DNAH7: variants seen among roughly 807,000 people sequenced by gnomAD.
DNAH7 encodes axonemal beta dynein heavy chain 7.
In DNAH7, 397 loss-of-function variants were observed where a neutral mutation model predicts 444.6. That is an observed-to-expected ratio of 0.89 (90% CI 0.82 to 0.97). The LOEUF is 0.97. Among genes scored for constraint, DNAH7 ranks in the 50% least tolerant of loss-of-function variants. The pLI is 0.00. For synonymous variants in DNAH7, 1,636 were observed against 1,624.4 expected (o/e 1.01, Z -0.17); for missense variants, 4,902 against 4,800.8 (o/e 1.02, Z -0.62).
rs1454343665 is a variant in DNAH7 at position 195,864,758 on chromosome 2, G to A, written c.6897C>T (p.His2299=). Residue 2299 remains histidine, a synonymous_variant, in exon 41 of 65, where the codon CAC becomes CAT. Coordinates refer to ENST00000312428, the MANE Select transcript of DNAH7 (RefSeq NM_018897.3). ...TGCTTATATTGTTGTATTCTTCTAG[G>A]TGAATTTCTACTATCATTCGAAGAT... is the stretch of plus-strand genomic sequence containing the variant. ...VDNLRMIVEI[H]LEEYNNISKK... is the part of the protein sequence containing the mutation. 6.2e-7 allele frequency: 1 copy of A among 1,614,060 alleles called. No individual in the cohort carries two copies. Among genetic ancestry groups the A allele is most frequent in the Admixed American group, 1.7e-5 (1 of 60,004 alleles).
intron 61 of DNAH7, among the ~76,000 whole-genome samples, chr2:195,771,310 A>T (rs113609649): frequency 1.6e-3 from 246 of 152,218 alleles, no homozygotes; most frequent in African/African-American, 5.8e-3. Flanking sequence ...ACTATACTCC[A>T]GTCTGGGTGA....
At chr2:195,890,473 T>C (rs1559190708) in intron 31 of DNAH7, among the ~76,000 whole-genome samples, 1 of 152,138 alleles carries the variant, frequency 6.6e-6, no homozygotes, top group Non-Finnish European at 1.5e-5. Flanking sequence ...TCCTGAAAAA[T>C]GTAATGTAAG....
At chr2:196,009,133 G>C (rs1694568322) in intron 10 of DNAH7, among the ~76,000 whole-genome samples, 2 of 152,104 alleles carry the variant, frequency 1.3e-5, no homozygotes, top group African/African-American at 4.8e-5. Flanking sequence ...ATTCATGAGT[G>C]ATCTGCCCCC....
intron 44 of DNAH7, 102 bp from the exon 45 acceptor site, chr2:195,856,093 A>T (rs548837173): frequency 1.9e-6 from 2 of 1,049,326 alleles, no homozygotes; most frequent in South Asian, 4.5e-5. Context: ...AACTGAAAAC[A>T]CTTCTTTATG....
intron 33 of DNAH7, 42 bp from the exon 34 acceptor site, chr2:195,886,314 G>A (rs116916691): frequency 1.3e-6 from 2 of 1,564,290 alleles, no homozygotes; most frequent in Admixed American, 1.8e-5. Context: ...ATTTAAATTA[G>A]GTAATAGCTA....
rs775706462 is a variant in DNAH7, at chr2:195,910,086, AT to A, written c.4044del (p.Gln1348HisfsTer64). 6.2e-7 allele frequency: 1 copy of A among 1,613,976 alleles called. No homozygotes were observed. Among genetic ancestry groups the A allele is most frequent in the East Asian group, 2.2e-5 (1 of 44,880 alleles). On this transcript the variant is annotated frameshift_variant, in exon 25 of 65. Coordinates refer to ENST00000312428, the MANE Select transcript of DNAH7 (RefSeq NM_018897.3). LOFTEE classifies it high-confidence loss of function. Reference protein sequence around the residue: ...TKDLAKAVAKQCVVFNCSDGL... With the variant: ...TKDLAKAVAKXCVVFNCSDGL... ...CCATCAGAGCAGTTGAAAACAACAC[AT>A]TGTTTGGCTACAGCTTTTGCCAAAT...
At chr2:195,826,318 A>C (rs911595385) in intron 48 of DNAH7, among the ~76,000 whole-genome samples, 2 of 152,202 alleles carry the variant, frequency 1.3e-5, no homozygotes, top group Admixed American at 1.3e-4. Context: ...ATATCACTGT[A>C]TTTACAAATG....
chr2:195,966,855 C>T (rs1484601450), intron 17 of DNAH7, among the ~76,000 whole-genome samples: 1 of 151,982 alleles, frequency 6.6e-6, no homozygotes, highest in Non-Finnish European at 1.5e-5. Context: ...AAGTGTGTTT[C>T]TTGAAGGCAA....
At chr2:195,975,613 C>A (rs2125588671) in intron 15 of DNAH7, among the ~76,000 whole-genome samples, 1 of 152,262 alleles carries the variant, frequency 6.6e-6, no homozygotes, top group African/African-American at 2.4e-5. Context: ...TGCCATCCCT[C>A]CCCCAACCCC....
intron 53 of DNAH7, 128 bp downstream of exon 53, chr2:195,808,554 T>C: frequency 1.8e-6 from 2 of 1,107,310 alleles, no homozygotes; most frequent in South Asian, 1.6e-5. Flanking sequence ...ATAACATAAA[T>C]CAAAATTTGC....
intron 58 of DNAH7, among the ~76,000 whole-genome samples, chr2:195,778,693 CATAT>C (rs1223850500): frequency 2.3e-5 from 2 of 87,674 alleles, no homozygotes; most frequent in South Asian, 4.4e-4. Flanking sequence ...TATATATACA[CATAT>C]ATATATACAC....
At chr2:195,921,153 G>A (rs1468378265) in intron 24 of DNAH7, among the ~76,000 whole-genome samples, 3 of 152,210 alleles carry the variant, frequency 2.0e-5, no homozygotes, top group Non-Finnish European at 4.4e-5. Context: ...ACAATGTGGA[G>A]ATTCCTTAAA....
At chr2:196,052,581 G>A (rs1302986512) in intron 2 of DNAH7, among the ~76,000 whole-genome samples, 1 of 152,196 alleles carries the variant, frequency 6.6e-6, no homozygotes, top group Admixed American at 6.5e-5. Context: ...TATACGCTGT[G>A]GGGTAAATAC....
At chr2:195,997,320 T>C (rs1288120485) in intron 12 of DNAH7, among the ~76,000 whole-genome samples, 1 of 152,168 alleles carries the variant, frequency 6.6e-6, no homozygotes, top group Admixed American at 6.5e-5. Flanking sequence ...GGACCCATCC[T>C]GGCCAACCTG....
intron 10 of DNAH7, among the ~76,000 whole-genome samples, chr2:196,004,043 T>A (rs73042574): frequency 0.064 from 9,729 of 152,294 alleles, 408 homozygotes; most frequent in African/African-American, 0.11. Flanking sequence ...CATGACTATT[T>A]CTACAGGCAT....
At chr2:195,904,418 G>A (rs900142224) in intron 27 of DNAH7, 1 of 152,546 alleles carries the variant, frequency 6.6e-6, no homozygotes, top group South Asian at 2.1e-4. Flanking sequence ...AGAGGCTAGT[G>A]AGGCCCAGTG....
intron 12 of DNAH7, among the ~76,000 whole-genome samples, chr2:195,997,407 G>A (rs1045864470): frequency 6.6e-6 from 1 of 152,022 alleles, no homozygotes; most frequent in Non-Finnish European, 1.5e-5. Flanking sequence ...AGCTACTCGC[G>A]GGGAGGCTGA....
intron 5 of DNAH7, among the ~76,000 whole-genome samples, chr2:196,034,734 T>C (rs1257822279): frequency 2.6e-5 from 4 of 152,200 alleles, no homozygotes; most frequent in African/African-American, 4.8e-5. Context: ...GAAATTATTT[T>C]CCACAAGTAT....
At chr2:195,822,893 T>C (rs1211762849) in intron 49 of DNAH7, among the ~76,000 whole-genome samples, 2 of 152,256 alleles carry the variant, frequency 1.3e-5, no homozygotes, top group Admixed American at 6.5e-5. Flanking sequence ...AAATGTTAAA[T>C]AATATTGCTA....
Sources: gnomAD v4.1 joint callset for allele counts (sites outside exome capture counted in the v4.1 genomes callset) on GRCh38, gnomAD v4.1.1 for gene constraint, MANE v1.5 for transcripts, NCBI Gene and HGNC (gene_info 2026-07-23, HGNC 2026-07-21) for gene names.